The following PCNT variants were observed in gnomAD, a reference collection of about 807,000 sequenced individuals.
PCNT encodes pericentrin, also known as kendrin.
Under a neutral mutation model 380.4 loss-of-function variants are expected in PCNT, and 319 were observed. The ratio of observed to expected loss-of-function variants is 0.84; its 90% CI spans 0.77 to 0.92. PCNT has a LOEUF of 0.92. PCNT is among the 40% of genes least tolerant of loss of function. The probability of loss-of-function intolerance (pLI) is 0.00; values close to 1 mark genes in which losing one functional copy is unlikely to be tolerated. For synonymous variants in PCNT, 1,845 were observed against 1,735.2 expected, an observed-to-expected ratio of 1.06 and a Z score of -1.57; for missense variants, 4,400 against 4,255.3, an observed-to-expected ratio of 1.03 and a Z score of -0.95.
At chr21:46,335,892 G>A (rs2083720513) in intron 3 of PCNT, among the ~76,000 whole-genome samples, 1 of 151,870 alleles carries the variant, frequency 6.6e-6, no homozygotes, top group Non-Finnish European at 1.5e-5. Context: ...CCTCATGTTG[G>A]TCAGGCTGGT....
intron 13 of PCNT, among the ~76,000 whole-genome samples, chr21:46,363,067 C>T (rs1475122351): frequency 2.0e-5 from 3 of 152,206 alleles, no homozygotes; most frequent in Non-Finnish European, 4.4e-5. Context: ...ATGCTTGCTG[C>T]AGTGGCCCAG....
chr21:46,444,995 T>C (rs1840014859), intron 46 of PCNT, among the ~76,000 whole-genome samples, 174 bp downstream of exon 46: 1 of 152,204 alleles, frequency 6.6e-6, no homozygotes, highest in South Asian at 2.1e-4. Flanking sequence ...CTCACAGAAG[T>C]CTAAGCCAGT....
At chr21:46,432,845 T>TTCG (rs1289483928) in intron 38 of PCNT, among the ~76,000 whole-genome samples, 1 of 152,078 alleles carries the variant, frequency 6.6e-6, no homozygotes, top group Non-Finnish European at 1.5e-5. Flanking sequence ...GGTCTCAAAC[T>TTCG]TCTGACCTCA....
At chr21:46,412,352 G>A (rs1223726904) in intron 28 of PCNT, among the ~76,000 whole-genome samples, 1 of 152,232 alleles carries the variant, frequency 6.6e-6, no homozygotes, top group Admixed American at 6.5e-5. Context: ...ACTGTCCAGT[G>A]AAACGGAGCT....
chr21:46,402,755 C>A (rs1259997831), intron 27 of PCNT, among the ~76,000 whole-genome samples: 2 of 152,124 alleles, frequency 1.3e-5, no homozygotes, highest in Non-Finnish European at 2.9e-5. Flanking sequence ...GAGGCACTTC[C>A]CTAGGGCAGC....
chr21:46,376,142 G>A (rs757583839), intron 15 of PCNT, among the ~76,000 whole-genome samples: 26 of 152,328 alleles, frequency 1.7e-4, no homozygotes, highest in Non-Finnish European at 2.9e-4. Flanking sequence ...CGGGGCTAGA[G>A]CGTGGCACCA....
At chr21:46,419,607 C>T (rs1267214606) in intron 31 of PCNT, among the ~76,000 whole-genome samples, 3 of 152,230 alleles carry the variant, frequency 2.0e-5, no homozygotes, top group African/African-American at 7.2e-5. Context: ...TTTTTCTTGG[C>T]TCAGTTTCTC....
At position 46,389,445 on chromosome 21, in the gene PCNT, T is replaced by G; in HGVS notation, c.3840+14T>G. On this transcript the variant is annotated intron_variant, in intron 19 of 46. Coordinates refer to ENST00000359568, the MANE Select transcript of PCNT (RefSeq NM_006031.6). Reference sequence around the variant, plus strand: ...TCCAGCAGGCAGGTGAGGCCCAGGCTCCCGGGGTCCTGTGGAGATGTGAAC... The same window carrying G: ...TCCAGCAGGCAGGTGAGGCCCAGGCGCCCGGGGTCCTGTGGAGATGTGAAC... 2 of 1,603,504 alleles carry G rather than the reference T, an allele frequency of 1.2e-6. No individual in the cohort carries two copies. Among genetic ancestry groups the G allele is most frequent in the Non-Finnish European group, 1.7e-6 (2 of 1,170,712 alleles).
At chr21:46,324,844 T>C in intron 1 of PCNT, 1 of 984,002 alleles carries the variant, frequency 1.0e-6, no homozygotes, top group Non-Finnish European at 1.2e-6. Flanking sequence ...AGGGTGCGCC[T>C]TCGCCTCGTC....
At chr21:46,360,011 C>T (rs149873927) in intron 13 of PCNT, among the ~76,000 whole-genome samples, 26 of 151,574 alleles carry the variant, frequency 1.7e-4, no homozygotes, top group Admixed American at 4.6e-4. Flanking sequence ...TGCACACTAC[C>T]GTGCTGAGCT....
Position 46,346,172 on chromosome 21 carries a change from C to A in PCNT, c.684C>A (p.Ser228Arg). ...AACTTGCCATTACTGACCTGGAGAG[C>A]GGCCGTGAAGATGAGGCTGGCCTGC... is the stretch of plus-strand genomic sequence containing the variant. ...ECELAITDLE[S>R]GREDEAGLHQ... The change falls in exon 4 of 47, where the codon AGC becomes AGA. Residue 228 changes from serine to arginine, a missense_variant. Physicochemically the swap from Ser to Arg is moderately radical, Grantham distance 110 (BLOSUM62 -1). Coordinates refer to ENST00000359568, the MANE Select transcript of PCNT (RefSeq NM_006031.6). The A allele has an allele frequency of 6.2e-7, 1 of 1,610,062 alleles. No individual in the cohort carries two copies. The highest frequency in any genetic ancestry group is 8.5e-7 in the Non-Finnish European group (1 of 1,177,466).
At chr21:46,429,359 G>C (rs1353514604) in intron 35 of PCNT, among the ~76,000 whole-genome samples, 1 of 124,152 alleles carries the variant, frequency 8.1e-6, no homozygotes, top group Non-Finnish European at 1.8e-5. Context: ...ACGTGCTCGT[G>C]AGGGGCACGG....
intron 11 of PCNT, among the ~76,000 whole-genome samples, chr21:46,354,893 G>A (rs774018262): frequency 4.2e-4 from 64 of 152,316 alleles, no homozygotes; most frequent in Non-Finnish European, 7.1e-4. Context: ...GCAAGGGCCC[G>A]GCTGGAACAG....
At chr21:46,420,115 C>T (rs1417344365) in intron 31 of PCNT, among the ~76,000 whole-genome samples, 2 of 151,632 alleles carry the variant, frequency 1.3e-5, no homozygotes, top group Non-Finnish European at 1.5e-5. Flanking sequence ...GGGGCCTGCG[C>T]GGTCAGGGTG....
chr21:46,363,875 G>C lies in PCNT; in HGVS notation c.2550G>C (p.Glu850Asp). The change falls in exon 14 of 47, where the codon GAG (glutamate) becomes GAC (aspartate). Residue 850 changes from glutamate to aspartate, a missense_variant. By Grantham distance (45) the Glu-to-Asp change is conservative (BLOSUM62 2). Transcript: ENST00000359568. ...GREPPTAQDG[E>D]LAALHVKEDC... ...AGCCGCCCACAGCCCAGGACGGGGA[G>C]CTTGCTGCGCTCCACGTGAAGGAAG... 1 of 1,612,446 alleles carries C rather than the reference G, an allele frequency of 6.2e-7. No homozygotes were observed. Among genetic ancestry groups the C allele is most frequent in the Non-Finnish European group, 8.5e-7 (1 of 1,179,562 alleles).
intron 13 of PCNT, among the ~76,000 whole-genome samples, chr21:46,358,222 G>C (rs927055866): frequency 2.0e-5 from 3 of 152,278 alleles, no homozygotes; most frequent in Non-Finnish European, 4.4e-5. Flanking sequence ...TGGAGTTAAA[G>C]TGACTGAAAT....
intron 5 of PCNT, 151 bp downstream of exon 5, chr21:46,347,149 A>G: frequency 9.5e-7 from 1 of 1,052,558 alleles, no homozygotes; most frequent in Non-Finnish European, 1.4e-6. Flanking sequence ...GCACCATGAG[A>G]GGGGTGAACA....
chr21:46,421,261 C>T lies in PCNT; in HGVS notation c.7025-709C>T, dbSNP rs200851043. ...GCTGCAGCCTCCGCTCCCCAGGGAGCTTTGTCCACACGGGGGCCCCGTCTC... is the reference window on the plus strand; with the variant it reads ...GCTGCAGCCTCCGCTCCCCAGGGAGTTTTGTCCACACGGGGGCCCCGTCTC... On this transcript the variant is annotated intron_variant, in intron 31 of 46. Coordinates refer to ENST00000359568, the MANE Select transcript of PCNT (RefSeq NM_006031.6). Among the ~76,000 whole-genome samples the T allele has an allele frequency of 7.2e-3, 1,099 of 152,320 alleles. 11 individuals carry two copies. Among genetic ancestry groups the T allele is most frequent in the African/African-American group, 0.024 (1,015 of 41,568 alleles).
intron 16 of PCNT, among the ~76,000 whole-genome samples, chr21:46,383,393 G>A (rs552475866): frequency 3.4e-5 from 5 of 146,082 alleles, no homozygotes; most frequent in South Asian, 2.3e-4. Flanking sequence ...ATTCAGTGAC[G>A]GAAGCGCATT....
Sources: gnomAD v4.1 joint callset for allele counts (sites outside exome capture counted in the v4.1 genomes callset) on GRCh38, gnomAD v4.1.1 for gene constraint, MANE v1.5 for transcripts, NCBI Gene and HGNC (gene_info 2026-07-23, HGNC 2026-07-21) for gene names.